SPTLC3: variants seen among roughly 807,000 people sequenced by gnomAD.
SPTLC3 encodes the protein serine palmitoyltransferase long chain base subunit 3.
SPTLC3 carries 36 observed loss-of-function variants against 59.3 expected under a neutral mutation model. That is an observed-to-expected ratio of 0.61 (90% confidence interval 0.47 to 0.80). The LOEUF (loss-of-function observed/expected upper bound fraction) is 0.80, where lower values mean the gene tolerates loss of function less well. Among genes scored for constraint, SPTLC3 ranks in the 30% least tolerant of loss-of-function variants. The probability of loss-of-function intolerance (pLI) is 0.00; values close to 1 mark genes in which losing one functional copy is unlikely to be tolerated. For missense variants in SPTLC3, 625 were observed against 685.1 expected, an observed-to-expected ratio of 0.91 and a Z score of 0.98; for synonymous variants, 257 against 240.8, an observed-to-expected ratio of 1.07 and a Z score of -0.62.
intron 10 of SPTLC3, among the ~76,000 whole-genome samples, chr20:13,156,248 A>G (rs2038766184): frequency 6.6e-6 from 1 of 152,244 alleles, no homozygotes; most frequent in Non-Finnish European, 1.5e-5. Context: ...TTACAATGAC[A>G]GTAGGGAGTG....
At chr20:13,035,775 T>C (rs1237876960) in intron 1 of SPTLC3, among the ~76,000 whole-genome samples, 2 of 152,184 alleles carry the variant, frequency 1.3e-5, no homozygotes, top group East Asian at 3.8e-4. Flanking sequence ...GACTTGAGTT[T>C]TATAAAGCAT....
At chr20:13,068,660 G>T (rs188913602) in intron 2 of SPTLC3, among the ~76,000 whole-genome samples, 1 of 151,852 alleles carries the variant, frequency 6.6e-6, no homozygotes, top group Non-Finnish European at 1.5e-5. Flanking sequence ...AACTCAATTG[G>T]CCCTCTCAGA....
intron 7 of SPTLC3, among the ~76,000 whole-genome samples, chr20:13,116,787 T>C (rs1327336647): frequency 6.6e-6 from 1 of 152,190 alleles, no homozygotes; most frequent in Non-Finnish European, 1.5e-5. Context: ...CCTGGGAGCT[T>C]GGCAAAAATG....
intron 2 of SPTLC3, among the ~76,000 whole-genome samples, chr20:13,068,518 G>A (rs372992373): frequency 6.6e-6 from 1 of 152,174 alleles, no homozygotes; most frequent in Non-Finnish European, 1.5e-5. Flanking sequence ...AAAGCTCCTG[G>A]CTGTTTAAAG....
At chr20:13,114,684 G>T (rs1990435110) in intron 7 of SPTLC3, among the ~76,000 whole-genome samples, 1 of 152,096 alleles carries the variant, frequency 6.6e-6, no homozygotes, top group African/African-American at 2.4e-5. Flanking sequence ...AAAAGAATAA[G>T]AAAACATTTG....
chr20:13,019,724 G>A (rs140900971), intron 1 of SPTLC3, among the ~76,000 whole-genome samples: 226 of 152,256 alleles, frequency 1.5e-3, no homozygotes, highest in African/African-American at 5.0e-3. Context: ...ACAAACCTTC[G>A]TTAGATGATG....
intron 1 of SPTLC3, among the ~76,000 whole-genome samples, chr20:13,011,735 G>GTT (rs35271357): frequency 8.3e-5 from 12 of 144,852 alleles, no homozygotes; most frequent in East Asian, 8.0e-4. Flanking sequence ...TATTTTTCCT[G>GTT]TTTTTTTTTT....
chr20:13,108,759 A>G (rs1990054810), intron 6 of SPTLC3, among the ~76,000 whole-genome samples: 1 of 152,160 alleles, frequency 6.6e-6, no homozygotes, highest in African/African-American at 2.4e-5. Context: ...TATTTTTAGT[A>G]GAGACTGGGT....
chr20:13,137,064 T>C (rs1193389974), intron 9 of SPTLC3, among the ~76,000 whole-genome samples: 1 of 152,092 alleles, frequency 6.6e-6, no homozygotes, highest in African/African-American at 2.4e-5. Flanking sequence ...GTCTGCAAAT[T>C]AGAGCTAAGT....
intron 9 of SPTLC3, among the ~76,000 whole-genome samples, chr20:13,143,864 T>C (rs983978860): frequency 4.6e-5 from 7 of 152,226 alleles, no homozygotes; most frequent in African/African-American, 1.7e-4. Context: ...ATTGGAACAG[T>C]TGTCGACACA....
At chr20:13,027,924 T>C (rs564553173) in intron 1 of SPTLC3, among the ~76,000 whole-genome samples, 2 of 152,344 alleles carry the variant, frequency 1.3e-5, no homozygotes, top group East Asian at 3.9e-4. Context: ...TTATATGATG[T>C]ATATTTCTTA....
rs575805844 is a variant in SPTLC3, at chr20:13,134,947, A to G, written c.1279+8230A>G. Among the ~76,000 whole-genome samples, 14 of 152,336 alleles carry G rather than the reference A, an allele frequency of 9.2e-5. No individual in the cohort carries two copies. The East Asian group carries it at 1.9e-3, about 21-fold the overall frequency. On this transcript the variant is annotated intron_variant, in intron 9 of 11. Coordinates refer to ENST00000399002, the MANE Select transcript of SPTLC3 (RefSeq NM_018327.4). ...CTTCAGTCCCCATGACCACTTTGGCATCAGGAATAGGAAAGGGAGTTTTGC... is the reference window on the plus strand; with the variant it reads ...CTTCAGTCCCCATGACCACTTTGGCGTCAGGAATAGGAAAGGGAGTTTTGC...
chr20:13,020,134 T>C lies in SPTLC3; in HGVS notation c.117+10750T>C, dbSNP rs111473661. Among the ~76,000 whole-genome samples, 242 of 152,220 alleles carry C rather than the reference T, an allele frequency of 1.6e-3. 1 individual carries two copies. Among genetic ancestry groups the C allele is most frequent in the Admixed American group, 2.5e-3 (38 of 15,286 alleles). On this transcript the variant is annotated intron_variant, in intron 1 of 11. Transcript: ENST00000399002. ...GAAGACAGGGTAAAGGATTCACAAA[T>C]TGATCCACCAAAAAAGAGAATATCA...
At position 13,160,115 on chromosome 20, in the gene SPTLC3, C is replaced by A; in HGVS notation, c.1528C>A (p.Arg510=). Residue 510 remains arginine, a synonymous_variant, in exon 11 of 12, where the codon CGG becomes AGG. Transcript: ENST00000399002. ...ARFCVSAAHT[R]EMLDTVLEAL... is the part of the protein sequence containing the mutation. ...GTTTTGTGTTTCAGCGGCACATACCCGGGAGATGTTAGACACGGTGAGTAC... is the reference window on the plus strand; with the variant it reads ...GTTTTGTGTTTCAGCGGCACATACCAGGGAGATGTTAGACACGGTGAGTAC... The A allele has an allele frequency of 6.2e-7, 1 of 1,613,852 alleles. No individual in the cohort carries two copies. The highest frequency in any genetic ancestry group is 1.3e-5 in the African/African-American group (1 of 74,984).
At chr20:13,088,168 C>A (rs1989069170) in intron 4 of SPTLC3, among the ~76,000 whole-genome samples, 1 of 152,142 alleles carries the variant, frequency 6.6e-6, no homozygotes, top group Non-Finnish European at 1.5e-5. Flanking sequence ...AAATGATATG[C>A]CCATGTTTTA....
intron 4 of SPTLC3, among the ~76,000 whole-genome samples, chr20:13,079,107 AAAGACTT>A (rs1988750984): frequency 6.6e-6 from 1 of 152,196 alleles, no homozygotes; most frequent in Admixed American, 6.5e-5. Flanking sequence ...AACTTTTATA[AAAGACTT>A]AACAGAAGAC....
chr20:13,124,626 AC>A (rs2037945007), intron 8 of SPTLC3, among the ~76,000 whole-genome samples: 1 of 152,142 alleles, frequency 6.6e-6, no homozygotes, highest in South Asian at 2.1e-4. Flanking sequence ...GAAGAACAGA[AC>A]ACATCCCTTG....
intron 4 of SPTLC3, among the ~76,000 whole-genome samples, chr20:13,086,205 G>A (rs1178038119): frequency 6.6e-6 from 1 of 152,160 alleles, no homozygotes; most frequent in Non-Finnish European, 1.5e-5. Context: ...ACTGCAAGTT[G>A]ACACCTTTAC....
chr20:13,159,969 A>G, intron 10 of SPTLC3, 34 bp from the exon 11 acceptor site: 1 of 1,480,220 alleles, frequency 6.8e-7, no homozygotes, highest in South Asian at 1.5e-5. Context: ...CCAACTAACC[A>G]CTTTTTTTTT....
Sources: allele counts gnomAD v4.1 joint callset (sites outside exome capture counted in the v4.1 genomes callset), GRCh38; gene constraint gnomAD v4.1.1; transcripts MANE v1.5; gene names NCBI Gene and HGNC (gene_info 2026-07-23, HGNC 2026-07-21).